Variants in CTNNA3 observed in about 807,000 individuals in gnomAD.
The protein encoded by CTNNA3 is catenin alpha-3.
A neutral mutation model predicts 95.7 loss-of-function variants in CTNNA3; 76 were observed. The ratio of observed to expected loss-of-function variants is 0.79; its 90% CI spans 0.66 to 0.96. CTNNA3 has a LOEUF of 0.96. Among genes scored for constraint, CTNNA3 ranks in the 40% least tolerant of loss-of-function variants. CTNNA3 has a pLI of 0.00. For synonymous variants in CTNNA3, 431 were observed against 374.4 expected (o/e 1.15, Z -1.74); for missense variants, 1,191 against 1,089.8 (o/e 1.09, Z -1.31).
intron 7 of CTNNA3, among the ~76,000 whole-genome samples, chr10:66,821,953 T>C (rs1330314363): frequency 6.6e-6 from 1 of 152,050 alleles, no homozygotes; most frequent in Admixed American, 6.6e-5. Flanking sequence ...GTTTCTGTAA[T>C]TTAAATTTTG....
At chr10:67,705,867 A>G (rs1841075915) in intron 1 of CTNNA3, among the ~76,000 whole-genome samples, 1 of 152,128 alleles carries the variant, frequency 6.6e-6, no homozygotes, top group South Asian at 2.1e-4. Flanking sequence ...ATACAGGTTC[A>G]GTTGCCCACA....
At chr10:66,423,648 C>T (rs2093215257) in intron 11 of CTNNA3, among the ~76,000 whole-genome samples, 7 of 152,154 alleles carry the variant, frequency 4.6e-5, no homozygotes, top group Admixed American at 4.6e-4. Flanking sequence ...GGTAACTTCC[C>T]CTCTGATCAG....
At chr10:66,360,012 A>G (rs1478715209) in intron 12 of CTNNA3, among the ~76,000 whole-genome samples, 2 of 151,760 alleles carry the variant, frequency 1.3e-5, no homozygotes, top group Non-Finnish European at 2.9e-5. Context: ...TGTTTTTAGT[A>G]GAGACGGGGT....
chr10:66,057,498 T>A (rs2080110869), intron 15 of CTNNA3, among the ~76,000 whole-genome samples: 1 of 152,202 alleles, frequency 6.6e-6, no homozygotes, highest in Non-Finnish European at 1.5e-5. Context: ...TTATCATGAT[T>A]AGCAATCATC....
At chr10:67,252,997 C>T (rs1866169108) in intron 5 of CTNNA3, among the ~76,000 whole-genome samples, 1 of 152,134 alleles carries the variant, frequency 6.6e-6, no homozygotes, top group East Asian at 1.9e-4. Flanking sequence ...CATAGAGCAA[C>T]CTCAGCATAC....
intron 12 of CTNNA3, among the ~76,000 whole-genome samples, chr10:66,328,618 G>A (rs1028194695): frequency 1.3e-5 from 2 of 151,680 alleles, no homozygotes; most frequent in African/African-American, 4.8e-5. Context: ...ACTTAAGTCT[G>A]TGTATTACTC....
At chr10:67,565,713 G>A (rs986142930) in intron 3 of CTNNA3, among the ~76,000 whole-genome samples, 13 of 150,446 alleles carry the variant, frequency 8.6e-5, no homozygotes, top group East Asian at 2.0e-4. Flanking sequence ...AGATGTTGGC[G>A]AGGATGTGGA....
At chr10:66,941,881 T>A (rs951270377) in intron 7 of CTNNA3, among the ~76,000 whole-genome samples, 1 of 152,194 alleles carries the variant, frequency 6.6e-6, no homozygotes, top group Non-Finnish European at 1.5e-5. Flanking sequence ...AAAAACCACT[T>A]TAAGATAGAT....
intron 14 of CTNNA3, among the ~76,000 whole-genome samples, chr10:66,082,027 A>T (rs1453663873): frequency 2.0e-5 from 3 of 152,134 alleles, no homozygotes; most frequent in Non-Finnish European, 4.4e-5. Flanking sequence ...CTGAGGCAGG[A>T]GAATCGCTTG....
rs150678036 is a variant in CTNNA3 at position 66,509,268 on chromosome 10, A to C, written c.1531+11349T>G. Among the ~76,000 whole-genome samples the C allele has an allele frequency of 1.2e-4, 19 of 152,180 alleles. No homozygotes were observed. In the East Asian group the frequency reaches 3.1e-3, roughly 25 times the overall value. ...CTGTGCTGTTGTTTGAGTTCATTAT[A>C]TATCATGGATAGTAGTCCCTTACCA... On this transcript the variant is annotated intron_variant, in intron 11 of 17. Transcript: ENST00000433211.
chr10:67,704,815 C>G lies in CTNNA3; in HGVS notation c.-1-57301G>C, dbSNP rs371121037. ...ACTCAAGAGCTTCTGCACAGCAAAA[C>G]AAACTACCATCAGAGTGAACAGGCA... On this transcript the variant is annotated intron_variant, in intron 1 of 17. Transcript: ENST00000684154. Among the ~76,000 whole-genome samples, 64 of 152,082 alleles carry G rather than the reference C, an allele frequency of 4.2e-4. 1 individual carries two copies. Among genetic ancestry groups the G allele is most frequent in the East Asian group, 1.9e-3 (10 of 5,174 alleles).
intron 6 of CTNNA3, among the ~76,000 whole-genome samples, chr10:67,219,318 T>C (rs996825663): frequency 6.6e-6 from 1 of 152,214 alleles, no homozygotes; most frequent in Non-Finnish European, 1.5e-5. Flanking sequence ...ATAAATCTTA[T>C]GCTTCATAAG....
At chr10:65,993,936 A>G (rs1056838451) in intron 15 of CTNNA3, among the ~76,000 whole-genome samples, 2 of 152,044 alleles carry the variant, frequency 1.3e-5, no homozygotes, top group African/African-American at 4.8e-5. Flanking sequence ...GGGTTTCACC[A>G]TGTTGGCCAG....
At chr10:67,134,617 G>A (rs1860201574) in intron 7 of CTNNA3, among the ~76,000 whole-genome samples, 1 of 152,074 alleles carries the variant, frequency 6.6e-6, no homozygotes. Flanking sequence ...CTGGAAATCT[G>A]CATCCATTCA....
At chr10:66,079,121 T>C (rs1008319718) in intron 14 of CTNNA3, 22 of 151,976 alleles carry the variant, frequency 1.4e-4, no homozygotes, top group Admixed American at 5.9e-4. Context: ...GACACCTTCA[T>C]CCTATTATTG....
intron 10 of CTNNA3, among the ~76,000 whole-genome samples, chr10:66,607,598 G>T (rs1290233639): frequency 6.6e-6 from 1 of 150,456 alleles, no homozygotes; most frequent in Non-Finnish European, 1.5e-5. Context: ...ACATCAAAAA[G>T]CAAATGCATG....
In CTNNA3 at chr10:66,404,270, C is replaced by T. The variant is rs557912324; in HGVS notation, c.1532-24918G>A. On this transcript the variant is annotated intron_variant, in intron 11 of 17. Transcript: ENST00000433211. ...TTGACCACCAAATTGTCCATTAAAA[C>T]CCCCTAACTTCCAAGCCTTCAGAGA... Among the ~76,000 whole-genome samples the T allele has an allele frequency of 5.3e-5, 8 of 152,246 alleles. No individual in the cohort carries two copies. In the South Asian group the frequency reaches 1.7e-3, roughly 32 times the overall value.
chr10:66,645,484 T>C (rs1219108127), intron 9 of CTNNA3, among the ~76,000 whole-genome samples: 2 of 152,158 alleles, frequency 1.3e-5, no homozygotes, highest in Admixed American at 6.5e-5. Flanking sequence ...TTCTATTAAA[T>C]TGGTTTTGCA....
chr10:66,473,752 G>T (rs910749982), intron 11 of CTNNA3, among the ~76,000 whole-genome samples: 2 of 151,984 alleles, frequency 1.3e-5, no homozygotes, highest in African/African-American at 4.8e-5. Context: ...ATCTATGAGT[G>T]AGAACATGCG....
Sources: allele counts gnomAD v4.1 joint callset (sites outside exome capture counted in the v4.1 genomes callset), GRCh38; gene constraint gnomAD v4.1.1; transcripts MANE v1.5; gene names NCBI Gene and HGNC (gene_info 2026-07-23, HGNC 2026-07-21).